UGT2B7: variants seen among roughly 807,000 people sequenced by gnomAD.
UGT2B7 encodes UDP-glucuronosyltransferase 2B7.
A neutral mutation model predicts 51.9 loss-of-function variants in UGT2B7; 51 were observed. The ratio of observed to expected loss-of-function variants is 0.98; its 90% confidence interval spans 0.78 to 1.24. The LOEUF (loss-of-function observed/expected upper bound fraction) is 1.24, where lower values mean the gene tolerates loss of function less well. Among genes scored for constraint, UGT2B7 ranks in the 50% most tolerant of loss-of-function variants. UGT2B7 has a pLI of 0.00. For missense variants in UGT2B7, 727 were observed against 628.4 expected (o/e 1.16, Z -1.68); for synonymous variants, 225 against 211.6 (o/e 1.06, Z -0.55).
chr4:69,091,235 A>G (rs1719078045), intron 2 of UGT2B7, among the ~76,000 whole-genome samples: 1 of 152,220 alleles, frequency 6.6e-6, no homozygotes, highest in Non-Finnish European at 1.5e-5. Flanking sequence ...TTTATATTAT[A>G]GCTATTCAAT....
At chr4:69,073,661 A>G (rs1183060465) in intron 1 of UGT2B7, among the ~76,000 whole-genome samples, 1 of 152,186 alleles carries the variant, frequency 6.6e-6, no homozygotes, top group Non-Finnish European at 1.5e-5. Context: ...CTTGAGACAA[A>G]CACATTGAAT....
At chr4:69,098,779 C>A (rs1719328906) in intron 2 of UGT2B7, 91 bp downstream of exon 2, 5 of 1,564,754 alleles carry the variant, frequency 3.2e-6, no homozygotes. Flanking sequence ...TTGACTTACA[C>A]TGAAAGAAAG....
chr4:69,057,825 C>A (rs12507173), intron 1 of UGT2B7, among the ~76,000 whole-genome samples: 9 of 151,972 alleles, frequency 5.9e-5, no homozygotes, highest in African/African-American at 1.7e-4. Flanking sequence ...TCAAGTTAAC[C>A]CACTGAATGC....
intron 2 of UGT2B7, among the ~76,000 whole-genome samples, chr4:69,100,343 AG>A (rs1719382299): frequency 6.6e-6 from 1 of 151,986 alleles, no homozygotes. Context: ...TTTTTTATGA[AG>A]GAACACAATA....
At position 69,096,703 on chromosome 4, in the gene UGT2B7, C is replaced by T. The variant is rs1719239752; in HGVS notation, c.183C>T (p.Ser61=). The change falls in exon 1 of 6, where the codon TCC becomes TCT. Residue 61 remains serine, a synonymous_variant. Transcript: ENST00000305231. ...TGACTGTACTGGCATCTTCAGCTTC[C>T]ATTCTTTTTGATCCCAACAACTCAT... is the stretch of plus-strand genomic sequence containing the variant. The part of the protein sequence containing the change: ...HEVTVLASSA[S]ILFDPNNSSA... The T allele has an allele frequency of 6.2e-7, 1 of 1,613,868 alleles. No individual in the cohort carries two copies. The highest frequency in any genetic ancestry group is 8.5e-7 in the Non-Finnish European group (1 of 1,179,936).
upstream of UGT2B7, among the ~76,000 whole-genome samples, chr4:69,096,139 G>T (rs1297785317): frequency 1.3e-5 from 2 of 152,054 alleles, no homozygotes. Flanking sequence ...AAAAATATGT[G>T]GACCATGTTT....
chr4:69,082,360 G>T (rs1718857724), intron 1 of UGT2B7, among the ~76,000 whole-genome samples: 1 of 151,000 alleles, frequency 6.6e-6, no homozygotes, highest in Admixed American at 6.6e-5. Context: ...AAGACTTAAA[G>T]TTAAGCCTCT....
chr4:69,110,305 C>A (rs1402504983), intron 5 of UGT2B7, among the ~76,000 whole-genome samples: 1 of 151,934 alleles, frequency 6.6e-6, no homozygotes, highest in African/African-American at 2.4e-5. Context: ...ACTATATGAT[C>A]CAGCCATAGT....
rs752860546 is a variant in UGT2B7 at position 69,112,697 on chromosome 4, G to A, written c.1551G>A (p.Trp517Ter). 5.0e-6 allele frequency: 8 copies of A among 1,613,834 alleles called. No homozygotes were observed. The highest frequency in any genetic ancestry group is 4.4e-5 in the South Asian group (4 of 91,058). ...CAAAATGTTGTCTGTTTTGTTTCTGGAAGTTTGCTAGAAAAGCAAAGAAGG... is the reference window on the plus strand; with the variant it reads ...CAAAATGTTGTCTGTTTTGTTTCTGAAAGTTTGCTAGAAAAGCAAAGAAGG... ...IVTKCCLFCF[W>*]KFARKAKKGK... is the part of the protein sequence containing the mutation. The change falls in exon 6 of 6, where the codon TGG becomes TGA. Residue 517 changes from tryptophan (W) to a stop codon, truncating the protein, a stop_gained. Coordinates refer to ENST00000305231, the MANE Select transcript of UGT2B7 (RefSeq NM_001074.4). LOFTEE classifies it high-confidence loss of function.
At chr4:69,077,052 G>A (rs1429193420) in intron 1 of UGT2B7, among the ~76,000 whole-genome samples, 7 of 152,116 alleles carry the variant, frequency 4.6e-5, no homozygotes, top group South Asian at 2.1e-4. Context: ...TTTCCTCATT[G>A]CTTGTTTTTG....
chr4:69,053,540 G>A (rs183543850), intron 1 of UGT2B7, among the ~76,000 whole-genome samples: 1 of 152,320 alleles, frequency 6.6e-6, no homozygotes, highest in African/African-American at 2.4e-5. Flanking sequence ...ACCAGGCGTA[G>A]GCTGCATGGT....
intron 1 of UGT2B7, among the ~76,000 whole-genome samples, chr4:69,071,457 T>C (rs1438441529): frequency 6.6e-6 from 1 of 152,124 alleles, no homozygotes; most frequent in Non-Finnish European, 1.5e-5. Flanking sequence ...CTCCAATACC[T>C]ACATTCAAAT....
At position 69,106,265 on chromosome 4, in the gene UGT2B7, C is replaced by G. The variant is rs544332938; in HGVS notation, c.1003-910C>G. 2.0e-5 allele frequency among the ~76,000 whole-genome samples: 3 copies of G among 152,108 alleles called. No individual in the cohort carries two copies. In the South Asian group the frequency reaches 6.2e-4, roughly 32 times the overall value. On this transcript the variant is annotated intron_variant, in intron 3 of 5. Coordinates refer to ENST00000305231, the MANE Select transcript of UGT2B7 (RefSeq NM_001074.4). Reference sequence around the variant, plus strand: ...CCTGATCCTCCCACCCTCCACCCTCCAATACACCACAGTGTATGTTGTTCC... The same window carrying G: ...CCTGATCCTCCCACCCTCCACCCTCGAATACACCACAGTGTATGTTGTTCC...
chr4:69,112,672 C>G lies in UGT2B7; in HGVS notation c.1526C>G (p.Thr509Arg). The G allele has an allele frequency of 6.2e-7, 1 of 1,613,708 alleles. No individual in the cohort carries two copies. Among genetic ancestry groups the G allele is most frequent in the Non-Finnish European group, 8.5e-7 (1 of 1,179,842 alleles). The change falls in exon 6 of 6, where the codon ACA becomes AGA. Residue 509 changes from threonine (T) to arginine (R), a missense_variant. Coordinates refer to ENST00000305231, the MANE Select transcript of UGT2B7 (RefSeq NM_001074.4). ...GTGGCAACTGTGATATTTATCGTCA[C>G]AAAATGTTGTCTGTTTTGTTTCTGG... ...VCVATVIFIVTKCCLFCFWKF... is the reference protein window; with the variant it reads ...VCVATVIFIVRKCCLFCFWKF...
rs555896587 is a variant in UGT2B7, at chr4:69,051,578, T to C, written c.-183T>C. ...CTGAACACCAGGAAGGAACTGGCAC[T>C]TGGAGTCCAGACATCTAAAATTTGG... is the stretch of plus-strand genomic sequence containing the variant. On this transcript the variant is annotated 5_prime_UTR_variant, in exon 1 of 6. Coordinates refer to the UGT2B7 transcript ENST00000502942. The C allele has an allele frequency of 3.3e-5, 5 of 152,484 alleles. No homozygotes were observed. In the East Asian group the frequency reaches 9.7e-4, roughly 29 times the overall value. 9.4% of individuals were successfully genotyped at this position (152,484 alleles called of 1,614,324 possible).
At chr4:69,061,701 G>A (rs992596090) in intron 1 of UGT2B7, among the ~76,000 whole-genome samples, 1 of 152,178 alleles carries the variant, frequency 6.6e-6, no homozygotes, top group Non-Finnish European at 1.5e-5. Flanking sequence ...TCATTTCTAT[G>A]TGCAATGGCT....
chr4:69,084,028 CT>C (rs1718894160), intron 1 of UGT2B7, among the ~76,000 whole-genome samples: 1 of 151,916 alleles, frequency 6.6e-6, no homozygotes, highest in Admixed American at 6.6e-5. Flanking sequence ...CATATATGGC[CT>C]TTATAAGTTT....
chr4:69,111,309 C>CTTAA (rs1359749488), intron 5 of UGT2B7, among the ~76,000 whole-genome samples: 1 of 152,068 alleles, frequency 6.6e-6, no homozygotes, highest in Non-Finnish European at 1.5e-5. Context: ...AGGCAAAAGT[C>CTTAA]TTAATCAGGG....
chr4:69,068,704 A>T (rs932993450), intron 1 of UGT2B7, among the ~76,000 whole-genome samples: 1 of 152,020 alleles, frequency 6.6e-6, no homozygotes, highest in African/African-American at 2.4e-5. Context: ...TGAAAAACAC[A>T]GTTCTCCAAC....
Sources: allele counts gnomAD v4.1 joint callset (sites outside exome capture counted in the v4.1 genomes callset), GRCh38; gene constraint gnomAD v4.1.1; transcripts MANE v1.5; gene names NCBI Gene and HGNC (gene_info 2026-07-23, HGNC 2026-07-21).